The following DOCK11 variants were observed in gnomAD, a reference collection of about 807,000 sequenced individuals.
DOCK11 encodes the protein dedicator of cytokinesis 11, also known as dedicator of cytokinesis protein 11.
In DOCK11, 70 loss-of-function variants were observed where a neutral mutation model predicts 169.1. The ratio of observed to expected loss-of-function variants is 0.41; its 90% CI spans 0.34 to 0.51. DOCK11 has a LOEUF of 0.51. Ranked by LOEUF, DOCK11 falls within the 20% of genes least tolerant of loss-of-function variation. The probability of loss-of-function intolerance (pLI) is 0.10; values close to 1 mark genes in which losing one functional copy is unlikely to be tolerated. For missense variants in DOCK11, 1,166 were observed against 1,538.8 expected (o/e 0.76, Z 4.05); for synonymous variants, 529 against 541.3 (o/e 0.98, Z 0.32).
intron 14 of DOCK11, among the ~76,000 whole-genome samples, chrX:118,582,814 G>A (rs890904331): frequency 2.7e-5 from 3 of 111,807 alleles, no homozygotes; most frequent in African/African-American, 3.2e-5. Flanking sequence ...AAATAGGAAC[G>A]CTTTTACACT....
chrX:118,574,082 A>T lies in DOCK11; in HGVS notation c.1389+64A>T, dbSNP rs773399445. The T allele has an allele frequency of 4.6e-5, 49 of 1,065,559 alleles. No homozygotes were observed. In the African/African-American group the frequency reaches 7.3e-4, roughly 16 times the overall value. The allele number at this position is 1,065,559 out of a possible 1,213,427, so 87.8% of individuals were successfully genotyped here. On this transcript the variant is annotated intron_variant, in intron 12 of 52. Transcript: ENST00000276202. ...TAAGAAACAGAAATATTCTTGTATTATTTCATGGTTTCAGGCCAATGTTTT... is the reference window on the plus strand; with the variant it reads ...TAAGAAACAGAAATATTCTTGTATTTTTTCATGGTTTCAGGCCAATGTTTT...
intron 52 of DOCK11, among the ~76,000 whole-genome samples, chrX:118,684,439 A>AT (rs1213742346): frequency 3.8e-5 from 4 of 104,979 alleles, no homozygotes; most frequent in African/African-American, 7.0e-5. Context: ...CGCCTGGCTA[A>AT]TTTTTTTGTA....
At chrX:118,545,759 C>T (rs1040268394) in intron 5 of DOCK11, among the ~76,000 whole-genome samples, 3 of 111,137 alleles carry the variant, frequency 2.7e-5, no homozygotes, top group African/African-American at 9.8e-5. Context: ...TGTGACATTT[C>T]GAGGTGCAGT....
intron 1 of DOCK11, among the ~76,000 whole-genome samples, chrX:118,512,012 C>T (rs937885843): frequency 2.7e-5 from 3 of 112,284 alleles, no homozygotes; most frequent in Non-Finnish European, 5.6e-5. Context: ...CTCCGGGGTT[C>T]AAGCAATTCT....
At chrX:118,625,237 C>T (rs1829880888) in intron 32 of DOCK11, among the ~76,000 whole-genome samples, 1 of 109,729 alleles carries the variant, frequency 9.1e-6, no homozygotes, top group African/African-American at 3.3e-5. Context: ...TCACTGCAAC[C>T]TCCGCCTCCT....
rs764320156 is a variant in DOCK11 at position 118,638,104 on chromosome X, T to C, written c.3978T>C (p.Tyr1326=). The stretch of plus-strand genomic sequence containing the variant: ...GAGTATGCTTGTTTCACTTTAGATA[T>C]ATGGGGAAAAGAAACATAGCAAGGT... The part of the protein sequence containing the change: ...LLEVCLFHFR[Y]MGKRNIARVH... The change falls in exon 37 of 53, where the codon TAT becomes TAC. Residue 1326 remains tyrosine (Y), a synonymous_variant. Coordinates refer to ENST00000276202, the MANE Select transcript of DOCK11 (RefSeq NM_144658.4). 18 of 1,206,196 alleles carry C rather than the reference T, an allele frequency of 1.5e-5. No individual in the cohort carries two copies. Among genetic ancestry groups the C allele is most frequent in the Admixed American group, 1.3e-4 (6 of 45,485 alleles).
intron 1 of DOCK11, among the ~76,000 whole-genome samples, chrX:118,520,777 A>G (rs771621185): frequency 8.9e-6 from 1 of 112,342 alleles, no homozygotes; most frequent in African/African-American, 3.2e-5. Flanking sequence ...TGGAGCAGAA[A>G]CTTTTCCAAA....
In DOCK11 at chrX:118,643,246, T is replaced by A. The variant is rs1453816927; in HGVS notation, c.4261-211T>A. 5.4e-5 allele frequency among the ~76,000 whole-genome samples: 6 copies of A among 112,115 alleles called. No homozygotes were observed. In the Admixed American group the frequency reaches 5.7e-4, roughly 11 times the overall value. On this transcript the variant is annotated intron_variant, in intron 39 of 52. Transcript: ENST00000276202. ...TGCATTGAAAAAAAATCTACCTGTTTAAAATGTTGGGATTAAATATTTTAG... is the reference window on the plus strand; with the variant it reads ...TGCATTGAAAAAAAATCTACCTGTTAAAAATGTTGGGATTAAATATTTTAG...
intron 1 of DOCK11, among the ~76,000 whole-genome samples, chrX:118,519,951 A>G (rs2057712672): frequency 8.9e-6 from 1 of 111,902 alleles, no homozygotes; most frequent in African/African-American, 3.3e-5. Flanking sequence ...AAGTTGCATT[A>G]ACTCCTTCAG....
Position 118,628,223 on chromosome X carries a change from TCCCAGAAGGAGCAACAGGATTTCC to T in DOCK11, c.3726_3749del (p.Pro1243_Pro1250del). ...AGAGAAGATTCAAGAGGTTCCCTCATCCCAGAAGGAGCAACAGGATTTCCAGATCAGGGCAACACTGGTGAAAAT... is the reference window on the plus strand; with the variant it reads ...AGAGAAGATTCAAGAGGTTCCCTCATAGATCAGGGCAACACTGGTGAAAAT... On this transcript the variant is annotated inframe_deletion, in exon 34 of 53. Transcript: ENST00000276202. 1 of 1,208,818 alleles carries T rather than the reference TCCCAGAAGGAGCAACAGGATTTCC, an allele frequency of 8.3e-7. No homozygotes were observed. The highest frequency in any genetic ancestry group is 1.1e-6 in the Non-Finnish European group (1 of 893,066).
chrX:118,580,519 G>A (rs1217583739), intron 14 of DOCK11, among the ~76,000 whole-genome samples: 2 of 111,650 alleles, frequency 1.8e-5, no homozygotes, highest in Non-Finnish European at 3.8e-5. Context: ...GTTTCACCAT[G>A]TTAGTCAGGC....
intron 6 of DOCK11, among the ~76,000 whole-genome samples, chrX:118,556,313 G>A (rs906804547): frequency 9.2e-6 from 1 of 108,202 alleles, no homozygotes; most frequent in Non-Finnish European, 1.9e-5. Context: ...CCAAAGTACT[G>A]GGATTACAGA....
chrX:118,537,506 A>G (rs1356429316), intron 1 of DOCK11, among the ~76,000 whole-genome samples: 3 of 112,322 alleles, frequency 2.7e-5, no homozygotes, highest in African/African-American at 9.7e-5. Context: ...ACAGATAAAT[A>G]TTATGTGATT....
intron 1 of DOCK11, among the ~76,000 whole-genome samples, chrX:118,518,704 T>C (rs962535372): frequency 8.9e-6 from 1 of 112,195 alleles, no homozygotes; most frequent in African/African-American, 3.2e-5. Context: ...CATGCCATTA[T>C]ATATTTGTCA....
intron 46 of DOCK11, among the ~76,000 whole-genome samples, chrX:118,675,685 TC>T (rs1207139722): frequency 1.9e-5 from 2 of 107,344 alleles, no homozygotes; most frequent in African/African-American, 6.8e-5. Flanking sequence ...TGCACATGTA[TC>T]CCCCCTTTTT....
At chrX:118,651,839 A>G in intron 41 of DOCK11, 125 bp from the exon 42 acceptor site, 1 of 421,808 alleles carries the variant, frequency 2.4e-6, no homozygotes. Flanking sequence ...GTACATTATG[A>G]TGGTACAGTG....
At chrX:118,626,719 G>T (rs1364466370) in intron 32 of DOCK11, among the ~76,000 whole-genome samples, 7 of 112,130 alleles carry the variant, frequency 6.2e-5, no homozygotes, top group Non-Finnish European at 1.1e-4. Context: ...ATGTCAACTG[G>T]CTGAATGTGG....
intron 1 of DOCK11, among the ~76,000 whole-genome samples, chrX:118,533,917 A>G (rs1465261337): frequency 8.9e-6 from 1 of 112,243 alleles, no homozygotes; most frequent in Non-Finnish European, 1.9e-5. Flanking sequence ...ATTTGCAATA[A>G]TTTGTGTATG....
At chrX:118,683,545 A>G (rs762548760) in intron 52 of DOCK11, among the ~76,000 whole-genome samples, 1 of 111,790 alleles carries the variant, frequency 8.9e-6, no homozygotes, top group African/African-American at 3.2e-5. Flanking sequence ...ATGAGTTTCT[A>G]TTCCTCATAA....
Sources: allele counts gnomAD v4.1 joint callset (sites outside exome capture counted in the v4.1 genomes callset), GRCh38; gene constraint gnomAD v4.1.1; transcripts MANE v1.5; gene names NCBI Gene and HGNC (gene_info 2026-07-23, HGNC 2026-07-21).